The following ZPBP variants were observed in gnomAD, a reference collection of about 807,000 sequenced individuals.
ZPBP encodes the protein zona pellucida-binding protein 1.
In ZPBP, 26 loss-of-function variants were observed where a neutral mutation model predicts 44.8. The ratio of observed to expected loss-of-function variants is 0.58; its 90% CI spans 0.43 to 0.81. ZPBP has a LOEUF of 0.81. Ranked by LOEUF, ZPBP falls within the 30% of genes least tolerant of loss-of-function variation. The pLI is 0.00. For missense variants in ZPBP, 409 were observed against 434.0 expected (o/e 0.94, Z 0.51); for synonymous variants, 174 against 153.2 (o/e 1.14, Z -1.00).
intron 2 of ZPBP, among the ~76,000 whole-genome samples, chr7:49,880,719 T>C (rs894285478): frequency 2.6e-5 from 4 of 152,050 alleles, no homozygotes. Context: ...CATTAGGAGA[T>C]ACACCTAATG....
At chr7:49,967,667 C>T (rs1377254924) in intron 7 of ZPBP, among the ~76,000 whole-genome samples, 1 of 152,158 alleles carries the variant, frequency 6.6e-6, no homozygotes, top group African/African-American at 2.4e-5. Context: ...CTGCCTCTAC[C>T]TCCTGACTAG....
At chr7:49,854,983 G>T (rs1790356339) in intron 2 of ZPBP, among the ~76,000 whole-genome samples, 3 of 152,194 alleles carry the variant, frequency 2.0e-5, no homozygotes, top group African/African-American at 7.2e-5. Flanking sequence ...TAAGAGTAGT[G>T]CCAAGCTTCC....
chr7:49,980,326 A>C (rs1195685651), intron 7 of ZPBP, among the ~76,000 whole-genome samples: 1 of 135,932 alleles, frequency 7.4e-6, no homozygotes, highest in East Asian at 2.0e-4. Flanking sequence ...TATAATATAT[A>C]ACATATATTA....
chr7:50,013,525 T>C (rs1443627820), intron 6 of ZPBP, among the ~76,000 whole-genome samples: 1 of 152,050 alleles, frequency 6.6e-6, no homozygotes, highest in Non-Finnish European at 1.5e-5. Context: ...GTAATAATAG[T>C]CTATTTTGAA....
chr7:50,025,031 A>G (rs149313135), intron 5 of ZPBP, among the ~76,000 whole-genome samples: 17 of 152,040 alleles, frequency 1.1e-4, no homozygotes, highest in African/African-American at 4.1e-4. Context: ...AACAACTGTA[A>G]TTTGAAAACA....
intron 7 of ZPBP, chr7:49,943,680 C>T (rs1794982093): frequency 7.1e-6 from 2 of 282,080 alleles, no homozygotes; most frequent in Admixed American, 9.0e-5. Flanking sequence ...TATGTACAAA[C>T]ATAACGTGTT....
At chr7:50,057,809 A>G (rs1043610685) in intron 4 of ZPBP, among the ~76,000 whole-genome samples, 180 bp downstream of exon 4, 2 of 152,208 alleles carry the variant, frequency 1.3e-5, no homozygotes, top group South Asian at 4.1e-4. Context: ...ACGATCTGTT[A>G]ACCATTCTGT....
At chr7:49,973,006 T>C (rs113030907) in intron 7 of ZPBP, among the ~76,000 whole-genome samples, 4,571 of 152,026 alleles carry the variant, frequency 0.03, 185 homozygotes, top group South Asian at 0.13. Context: ...AATGGTGCTG[T>C]CAAAACTGGA....
intron 7 of ZPBP, among the ~76,000 whole-genome samples, chr7:49,982,262 T>C (rs1488293481): frequency 1.8e-5 from 2 of 111,596 alleles, no homozygotes; most frequent in African/African-American, 7.0e-5. Flanking sequence ...ATTTATATTA[T>C]ATATTATATA....
chr7:50,002,227 T>C (rs994020128), intron 6 of ZPBP, among the ~76,000 whole-genome samples: 14 of 152,106 alleles, frequency 9.2e-5, no homozygotes, highest in Non-Finnish European at 8.8e-5. Context: ...AGAGAGCTTG[T>C]GCAGGGGAAC....
At chr7:50,068,460 A>T (rs1270702629) in intron 3 of ZPBP, among the ~76,000 whole-genome samples, 1 of 148,426 alleles carries the variant, frequency 6.7e-6, no homozygotes, top group Non-Finnish European at 1.5e-5. Context: ...TATGGCCCTG[A>T]CATTTATCCT....
rs115106935 is a variant in ZPBP, at chr7:50,027,411, C to T, written c.706+3681G>A. ...AAATTATAAGGGAAATTAGAAAATA[C>T]TTGTAGATGAATGAAAATGAAAATA... is the stretch of plus-strand genomic sequence containing the variant. On this transcript the variant is annotated intron_variant, in intron 5 of 7. Coordinates refer to ENST00000046087, the MANE Select transcript of ZPBP (RefSeq NM_007009.3). Among the ~76,000 whole-genome samples the T allele has an allele frequency of 1.8e-3, 268 of 152,026 alleles. 1 individual carries two copies. Among genetic ancestry groups the T allele is most frequent in the African/African-American group, 6.2e-3 (256 of 41,500 alleles).
intron 7 of ZPBP, among the ~76,000 whole-genome samples, chr7:49,961,613 T>C (rs1651419022): frequency 6.6e-6 from 1 of 152,120 alleles, no homozygotes; most frequent in Non-Finnish European, 1.5e-5. Context: ...TGAGCCAAAA[T>C]AAAACAAGTT....
intron 6 of ZPBP, among the ~76,000 whole-genome samples, chr7:50,003,855 A>G (rs1204011757): frequency 6.6e-6 from 1 of 152,172 alleles, no homozygotes; most frequent in Non-Finnish European, 1.5e-5. Flanking sequence ...ATAAAAATAA[A>G]TCTTCAGAAA....
At chr7:49,877,481 A>AAAAAAAAAATAT in intron 2 of ZPBP, among the ~76,000 whole-genome samples, 1 of 12,728 alleles carries the variant, frequency 7.9e-5, no homozygotes, top group African/African-American at 2.8e-4. Context: ...AAAAAAAAAA[A>AAAAAAAAAATAT]ATATATATAT....
At chr7:50,025,188 C>T (rs1799269807) in intron 5 of ZPBP, among the ~76,000 whole-genome samples, 1 of 151,840 alleles carries the variant, frequency 6.6e-6, no homozygotes, top group Non-Finnish European at 1.5e-5. Context: ...GGAAGATCCA[C>T]TATTGTTACA....
intron 2 of ZPBP, among the ~76,000 whole-genome samples, chr7:49,885,499 G>A (rs1791862360): frequency 6.6e-6 from 1 of 151,486 alleles, no homozygotes; most frequent in African/African-American, 2.4e-5. Context: ...ATTCTGAAAA[G>A]GTAAAACTCG....
chr7:49,945,751 G>A lies in ZPBP; in HGVS notation c.962-8129C>T, dbSNP rs1052410486. On this transcript the variant is annotated intron_variant, in intron 7 of 7. Transcript: ENST00000046087. ...TCCGTCTGGGTGTAGTGTGTTTCAT[G>A]TAGGCAACAGATTGTTGGGTCTTGT... is the stretch of plus-strand genomic sequence containing the variant. Among the ~76,000 whole-genome samples, 5 of 152,054 alleles carry A rather than the reference G, an allele frequency of 3.3e-5. No individual in the cohort carries two copies. In the South Asian group the frequency reaches 1.0e-3, roughly 32 times the overall value.
chr7:50,003,466 T>G (rs1420388610), intron 6 of ZPBP, among the ~76,000 whole-genome samples: 1 of 152,228 alleles, frequency 6.6e-6, no homozygotes, highest in Non-Finnish European at 1.5e-5. Context: ...GAAGTGAGGA[T>G]GCCCAATTCT....
Sources: gnomAD v4.1 joint callset for allele counts (sites outside exome capture counted in the v4.1 genomes callset) on GRCh38, gnomAD v4.1.1 for gene constraint, MANE v1.5 for transcripts, NCBI Gene and HGNC (gene_info 2026-07-23, HGNC 2026-07-21) for gene names.